The following SARS2 variants were observed in gnomAD, a reference collection of about 807,000 sequenced individuals.
The protein encoded by SARS2 is serine--tRNA ligase, mitochondrial.
In SARS2, 52 loss-of-function variants were observed where a neutral mutation model predicts 66.8. The ratio of observed to expected loss-of-function variants is 0.78; its 90% CI spans 0.62 to 0.98. The LOEUF is 0.98. Ranked by LOEUF, SARS2 falls within the 50% of genes least tolerant of loss-of-function variation. SARS2 has a pLI of 0.00. For missense variants in SARS2, 673 were observed against 706.3 expected, an observed-to-expected ratio of 0.95 and a Z score of 0.53; for synonymous variants, 306 against 281.4, an observed-to-expected ratio of 1.09 and a Z score of -0.87.
intron 7 of SARS2, among the ~76,000 whole-genome samples, chr19:38,919,322 C>T (rs1004368135): frequency 3.3e-5 from 5 of 152,194 alleles, no homozygotes; most frequent in Non-Finnish European, 7.3e-5. Flanking sequence ...CCACACCCTC[C>T]CCTGCTTAAA....
At chr19:38,928,299 A>C (rs1427132732) in intron 1 of SARS2, 1 of 152,020 alleles carries the variant, frequency 6.6e-6, no homozygotes, top group African/African-American at 2.4e-5. Flanking sequence ...GATCACTTGA[A>C]TCAAGGAGGC....
chr19:38,920,220 A>G, intron 5 of SARS2, 71 bp from the exon 6 acceptor site: 1 of 1,196,194 alleles, frequency 8.4e-7, no homozygotes, highest in Non-Finnish European at 1.2e-6. Context: ...AGAAGCTTCC[A>G]GAGACAGCAG....
In SARS2 at chr19:38,916,091, G is replaced by A. The variant is rs1216665608; in HGVS notation, c.1293C>T (p.Arg431=). 1.2e-6 allele frequency: 2 copies of A among 1,613,854 alleles called. No homozygotes were observed. The highest frequency in any genetic ancestry group is 2.7e-5 in the African/African-American group (2 of 74,950). The stretch of plus-strand genomic sequence containing the variant: ...CGGTCTGGAACATGATGTGGAGGCG[G>A]CGGCTCTGGAAGTCTGTGCAGTTGG... ...SASNCTDFQS[R]RLHIMFQTEA... The change falls in exon 14 of 16, where the codon CGC becomes CGT. Residue 431 remains arginine, a synonymous_variant. Transcript: ENST00000221431.
intron 1 of SARS2, among the ~76,000 whole-genome samples, chr19:38,926,982 G>A (rs2093535414): frequency 6.7e-6 from 1 of 150,264 alleles, no homozygotes; most frequent in Non-Finnish European, 1.5e-5. Flanking sequence ...TGTCACCCAG[G>A]CTGGAGTGTA....
At chr19:38,919,318 C>T (rs1974476295) in intron 7 of SARS2, among the ~76,000 whole-genome samples, 1 of 152,138 alleles carries the variant, frequency 6.6e-6, no homozygotes, top group Non-Finnish European at 1.5e-5. Context: ...TTGGCCACAC[C>T]CTCCCCTGCT....
rs563349957 is a variant in SARS2, at chr19:38,916,905, C to T, written c.1161-591G>A. On this transcript the variant is annotated intron_variant, in intron 12 of 15. Transcript: ENST00000221431. ...CTTGAACTCCTGACCTCAGGTGATC[C>T]GCCTGTCCCGGCCTCCCAAAGTGCT... Among the ~76,000 whole-genome samples the T allele has an allele frequency of 5.1e-4, 77 of 151,486 alleles. No individual in the cohort carries two copies. The South Asian group carries it at 0.016, about 31-fold the overall frequency.
At position 38,918,787 on chromosome 19, in the gene SARS2, G is replaced by T. The variant is rs982823552; in HGVS notation, c.786C>A (p.Asp262Glu). The T allele has an allele frequency of 3.2e-6, 5 of 1,561,666 alleles. No homozygotes were observed. The highest frequency in any genetic ancestry group is 1.3e-5 in the African/African-American group (1 of 74,220). The change falls in exon 8 of 16, where the codon GAC becomes GAA. Residue 262 changes from aspartate to glutamate, a missense_variant. By Grantham distance (45) the Asp-to-Glu change is conservative. Transcript: ENST00000221431. Reference protein sequence around the residue: ...RRGFTPMTVPDLLRGAVFEGC... With the variant: ...RRGFTPMTVPELLRGAVFEGC... ...TCACAAACACTGCTCCGCGGAGAAGGTCTGGCACCGTCATGGGGGTGAAGC... is the reference window on the plus strand; with the variant it reads ...TCACAAACACTGCTCCGCGGAGAAGTTCTGGCACCGTCATGGGGGTGAAGC...
Position 38,926,213 on chromosome 19 carries a change from C to A in SARS2, c.355G>T (p.Ala119Ser). ...EKAAVTEAVR[A>S]LLANQDSGEV... is the part of the protein sequence containing the mutation. ...CAGGGCACCATGCTCACCAGCAGGG[C>A]CCGCACTGCCTCAGTCACAGCTGCC... is the stretch of plus-strand genomic sequence containing the variant. The change falls in exon 2 of 16, where the codon GCC (alanine) becomes TCC (serine). Residue 119 changes from alanine (A) to serine (S), a missense_variant. Coordinates refer to ENST00000221431, the MANE Select transcript of SARS2 (RefSeq NM_017827.4). The A allele has an allele frequency of 6.2e-7, 1 of 1,606,070 alleles. No homozygotes were observed. The highest frequency in any genetic ancestry group is 8.5e-7 in the Non-Finnish European group (1 of 1,179,834).
At chr19:38,921,334 A>C (rs2144771084) in intron 5 of SARS2, 58 bp downstream of exon 5, 1 of 1,585,284 alleles carries the variant, frequency 6.3e-7, no homozygotes, top group Non-Finnish European at 8.6e-7. Context: ...CCACCCCGAG[A>C]CCCCAGAACC....
chr19:38,922,169 A>C, intron 3 of SARS2, 69 bp downstream of exon 3: 1 of 1,601,300 alleles, frequency 6.2e-7, no homozygotes, highest in Non-Finnish European at 8.6e-7. Context: ...CAATAGTAGA[A>C]TCGTGACTGG....
At chr19:38,926,379 A>G (rs1331101841) in intron 1 of SARS2, 79 bp from the exon 2 acceptor site, 15 of 1,349,012 alleles carry the variant, frequency 1.1e-5, no homozygotes, top group Non-Finnish European at 1.5e-5. Flanking sequence ...GGCCACCTGG[A>G]CCTGCGGCGC....
At chr19:38,920,192 G>A (rs767559186) in intron 5 of SARS2, 43 bp from the exon 6 acceptor site, 15 of 1,487,566 alleles carry the variant, frequency 1.0e-5, no homozygotes, top group African/African-American at 9.8e-5. Context: ...AGCGGGGAGA[G>A]AGGGATGGGG....
Position 38,926,318 on chromosome 19 carries a change from GA to G in SARS2, c.268-19del. On this transcript the variant is annotated intron_variant, in intron 1 of 15. Coordinates refer to ENST00000221431, the MANE Select transcript of SARS2 (RefSeq NM_017827.4). Reference sequence around the variant, plus strand: ...GTCGAGATCTGGGGTGGATATAAGAGAAAAGGAGATGAAGCAGCCATCACCC... The same window carrying G: ...GTCGAGATCTGGGGTGGATATAAGAGAAAGGAGATGAAGCAGCCATCACCC... 6.2e-7 allele frequency: 1 copy of G among 1,600,560 alleles called. No homozygotes were observed.
In SARS2 at chr19:38,918,828, G is replaced by C. The variant is rs1208334457; in HGVS notation, c.760-15C>G. 6 of 1,556,904 alleles carry C rather than the reference G, an allele frequency of 3.9e-6. No homozygotes were observed. The East Asian group carries it at 1.4e-4, about 37-fold the overall frequency. ...GGGGTGAAGCCCTGTTCAGGGGAGA[G>C]GATGAGTGAGCAGAGCTGGGACCCC... On this transcript the variant is annotated splice_polypyrimidine_tract_variant and intron_variant, in intron 7 of 15. Transcript: ENST00000221431.
Position 38,917,961 on chromosome 19 carries a change from T to C in SARS2, c.1010A>G (p.Gln337Arg). 2 of 1,608,136 alleles carry C rather than the reference T, an allele frequency of 1.2e-6. No individual in the cohort carries two copies. Among genetic ancestry groups the C allele is most frequent in the South Asian group, 2.2e-5 (2 of 90,098 alleles). ...TACTCGATACAGCCCCCGGGGTTCC[T>C]GTCCCGTGTTTGTCTCTGCCCGGTA... ...TCYRAETNTG[Q>R]EPRGLYRVHH... The change falls in exon 11 of 16, where the codon CAG becomes CGG. Residue 337 changes from glutamine to arginine, a missense_variant. Gln to Arg is a conservative substitution (Grantham distance 43, BLOSUM62 1). Transcript: ENST00000221431.
chr19:38,922,088 G>GT (rs375344827), intron 3 of SARS2, 150 bp downstream of exon 3: 1 of 1,599,290 alleles, frequency 6.3e-7, no homozygotes, highest in Non-Finnish European at 8.5e-7. Flanking sequence ...CCTGAAGCCA[G>GT]TTTTAGTTTC....
rs1277098974 is a variant in SARS2 at position 38,922,267 on chromosome 19, C to T, written c.364G>A (p.Ala122Thr). 6.2e-7 allele frequency: 1 copy of T among 1,613,894 alleles called. No homozygotes were observed. Reference protein sequence around the residue: ...AVTEAVRALLANQDSGEVQQD... With the variant: ...AVTEAVRALLTNQDSGEVQQD... Reference sequence around the variant, plus strand: ...TGCACTTCACCACTGTCCTGGTTTGCCTGGTAGAAAAGAGACAGGGTGGGT... The same window carrying T: ...TGCACTTCACCACTGTCCTGGTTTGTCTGGTAGAAAAGAGACAGGGTGGGT... Residue 122 changes from alanine to threonine, a missense_variant and splice_region_variant, in exon 3 of 16, where the codon GCA (alanine) becomes ACA (threonine). Transcript: ENST00000221431.
At chr19:38,926,101 C>A in intron 2 of SARS2, 104 bp downstream of exon 2, 1 of 987,422 alleles carries the variant, frequency 1.0e-6, no homozygotes, top group Non-Finnish European at 1.6e-6. Flanking sequence ...TAGGCGTGAG[C>A]CACCGTGCCA....
intron 1 of SARS2, among the ~76,000 whole-genome samples, chr19:38,927,797 G>A (rs1227117964): frequency 6.6e-6 from 1 of 152,048 alleles, no homozygotes; most frequent in Non-Finnish European, 1.5e-5. Context: ...CACTTTGGGA[G>A]GCCGAGGCAG....
Sources: gnomAD v4.1 joint callset for allele counts (sites outside exome capture counted in the v4.1 genomes callset) on GRCh38, gnomAD v4.1.1 for gene constraint, MANE v1.5 for transcripts, NCBI Gene and HGNC (gene_info 2026-07-23, HGNC 2026-07-21) for gene names.